The following CAMTA1 variants were observed in gnomAD, a reference collection of about 807,000 sequenced individuals.
CAMTA1 encodes calmodulin-binding transcription activator 1.
CAMTA1 carries 27 observed loss-of-function variants against 170.9 expected under a neutral mutation model. The ratio of observed to expected loss-of-function variants is 0.16; its 90% confidence interval spans 0.12 to 0.22. The LOEUF (loss-of-function observed/expected upper bound fraction) is 0.22, where lower values mean the gene tolerates loss of function less well. Among genes scored for constraint, CAMTA1 ranks in the 10% least tolerant of loss-of-function variants. The pLI, the probability that CAMTA1 is intolerant of heterozygous loss-of-function variation, is 1.00. For missense variants in CAMTA1, 1,619 were observed against 2,217.2 expected (o/e 0.73, Z 5.42); for synonymous variants, 833 against 891.5 (o/e 0.93, Z 1.17).
intron 3 of CAMTA1, among the ~76,000 whole-genome samples, chr1:6,991,079 T>C (rs576457179): frequency 7.7e-4 from 118 of 152,266 alleles, no homozygotes; most frequent in African/African-American, 2.7e-3. Context: ...TAGTTTTTTT[T>C]TCCTTTTTAT....
At chr1:7,119,458 G>A (rs1475241502) in intron 4 of CAMTA1, among the ~76,000 whole-genome samples, 1 of 152,196 alleles carries the variant, frequency 6.6e-6, no homozygotes. Flanking sequence ...GCAGTGAACA[G>A]CGGGGGGCAT....
intron 6 of CAMTA1, among the ~76,000 whole-genome samples, chr1:7,530,395 C>T (rs1041582769): frequency 1.3e-5 from 2 of 152,158 alleles, no homozygotes; most frequent in Admixed American, 6.5e-5. Flanking sequence ...TCTGTTGATT[C>T]GAGGCAGAGC....
intron 22 of CAMTA1, among the ~76,000 whole-genome samples, chr1:7,757,407 A>C (rs2096938737): frequency 6.6e-6 from 1 of 152,242 alleles, no homozygotes; most frequent in Non-Finnish European, 1.5e-5. Flanking sequence ...TAGTATGCCA[A>C]CTTGATGATA....
At chr1:7,048,215 T>C (rs1705722026) in intron 3 of CAMTA1, among the ~76,000 whole-genome samples, 1 of 152,108 alleles carries the variant, frequency 6.6e-6, no homozygotes, top group South Asian at 2.1e-4. Context: ...ATTAAGATCA[T>C]TTGAATATTA....
chr1:7,554,614 C>T (rs1240819171), intron 6 of CAMTA1, among the ~76,000 whole-genome samples: 1 of 152,144 alleles, frequency 6.6e-6, no homozygotes, highest in Admixed American at 6.5e-5. Context: ...TGCCTCCACC[C>T]TGATCATCTC....
rs1705131996 is a variant in CAMTA1 at position 7,044,925 on chromosome 1, C to T, written c.235-46379C>T. 2.6e-5 allele frequency among the ~76,000 whole-genome samples: 4 copies of T among 151,842 alleles called. No homozygotes were observed. The Middle Eastern group carries it at 0.01, about 387-fold the overall frequency. ...AAAAAAAAATCCCCCAAAATAAAAA[C>T]TCATACTTGTTTCTATGGGCTTCCT... is the stretch of plus-strand genomic sequence containing the variant. On this transcript the variant is annotated intron_variant, in intron 3 of 22. Coordinates refer to ENST00000303635, the MANE Select transcript of CAMTA1 (RefSeq NM_015215.4). The surrounding 1 kb of genome is among the most constrained non-coding windows in gnomAD (Gnocchi z 5.0).
At position 7,187,924 on chromosome 1, in the gene CAMTA1, A is replaced by G. The variant is rs371010690; in HGVS notation, c.303-61567A>G. On this transcript the variant is annotated intron_variant, in intron 4 of 22. Transcript: ENST00000303635. ...TTAGTCTGTTATCACACTGCTATAA[A>G]GAAATACCCAAGACTGGGTAATTTA... Among the ~76,000 whole-genome samples, 302 of 152,358 alleles carry G rather than the reference A, an allele frequency of 2.0e-3. 6 individuals are homozygous for G. In the South Asian group the frequency reaches 0.06, roughly 30 times the overall value.
intron 6 of CAMTA1, among the ~76,000 whole-genome samples, chr1:7,621,573 A>G (rs1037392544): frequency 6.6e-6 from 1 of 152,224 alleles, no homozygotes; most frequent in Admixed American, 6.5e-5. Context: ...CTCAAAGTTA[A>G]TAAGAAACTA....
chr1:7,316,972 C>T (rs1482404771), intron 5 of CAMTA1, among the ~76,000 whole-genome samples: 6 of 152,198 alleles, frequency 3.9e-5, no homozygotes. Context: ...GGGGCCTCAA[C>T]TTCGAAGCAA....
At chr1:7,582,831 C>T (rs1207266373) in intron 6 of CAMTA1, among the ~76,000 whole-genome samples, 1 of 151,648 alleles carries the variant, frequency 6.6e-6, no homozygotes, top group Non-Finnish European at 1.5e-5. Flanking sequence ...ACCCAGGAGA[C>T]TGGGGACTGA....
intron 3 of CAMTA1, among the ~76,000 whole-genome samples, chr1:6,849,223 G>T (rs1353623439): frequency 6.6e-6 from 1 of 152,194 alleles, no homozygotes; most frequent in Non-Finnish European, 1.5e-5. Flanking sequence ...ACATAAAGAA[G>T]AGCAGGTTTC....
At position 7,634,648 on chromosome 1, in the gene CAMTA1, G is replaced by A. The variant is rs1287398174; in HGVS notation, c.511-5752G>A. The stretch of plus-strand genomic sequence containing the variant: ...CAGGCTGGACGCTGGTGGAGGAAGG[G>A]CCTCTGTACACAGCAAGAGGAGAGC... On this transcript the variant is annotated intron_variant, in intron 6 of 22. Coordinates refer to ENST00000303635, the MANE Select transcript of CAMTA1 (RefSeq NM_015215.4). The surrounding 1 kb of genome is among the most constrained non-coding windows in gnomAD (Gnocchi z 6.2). Among the ~76,000 whole-genome samples the A allele has an allele frequency of 6.6e-6, 1 of 152,104 alleles. No homozygotes were observed. The highest frequency in any genetic ancestry group is 1.9e-4 in the East Asian group (1 of 5,158).
chr1:7,238,560 G>T (rs1436662756), intron 4 of CAMTA1, among the ~76,000 whole-genome samples: 1 of 152,166 alleles, frequency 6.6e-6, no homozygotes, highest in Non-Finnish European at 1.5e-5. Flanking sequence ...GAAACTCTAC[G>T]CTGATGTTCA....
intron 5 of CAMTA1, among the ~76,000 whole-genome samples, chr1:7,374,409 T>G (rs1365053541): frequency 6.6e-6 from 1 of 152,180 alleles, no homozygotes; most frequent in Admixed American, 6.5e-5. Flanking sequence ...ATTGTTGCAA[T>G]CCTAGGGCAA....
chr1:7,206,588 T>C (rs1406485024), intron 4 of CAMTA1, among the ~76,000 whole-genome samples: 1 of 152,228 alleles, frequency 6.6e-6, no homozygotes, highest in Admixed American at 6.5e-5. Flanking sequence ...ATTATTTATT[T>C]TCACTGCTGT....
chr1:7,757,731 G>T (rs1455022968), intron 22 of CAMTA1, among the ~76,000 whole-genome samples: 2 of 151,698 alleles, frequency 1.3e-5, no homozygotes, highest in Non-Finnish European at 2.9e-5. Context: ...GCAAGACTCT[G>T]TCTCAAAAGA....
At chr1:7,430,414 GGAT>G (rs558204006) in intron 5 of CAMTA1, among the ~76,000 whole-genome samples, 57 of 150,804 alleles carry the variant, frequency 3.8e-4, no homozygotes, top group African/African-American at 1.1e-3. Context: ...CTCATCAGGA[GGAT>G]GATGATGATG....
intron 6 of CAMTA1, among the ~76,000 whole-genome samples, chr1:7,601,015 G>T (rs2095436173): frequency 6.6e-6 from 1 of 152,186 alleles, no homozygotes; most frequent in African/African-American, 2.4e-5. Context: ...CCCAGATGGG[G>T]TGGTGGCTGG....
intron 3 of CAMTA1, among the ~76,000 whole-genome samples, chr1:6,983,869 TG>T (rs781469604): frequency 7.4e-4 from 95 of 128,044 alleles, no homozygotes; most frequent in Admixed American, 1.2e-3. Context: ...AATGGGTGGG[TG>T]GATAGAGGCT....
Sources: allele counts gnomAD v4.1 joint callset (sites outside exome capture counted in the v4.1 genomes callset), GRCh38; gene constraint gnomAD v4.1.1; non-coding constraint Gnocchi (gnomAD v3.1); transcripts MANE v1.5; gene names NCBI Gene and HGNC (gene_info 2026-07-23, HGNC 2026-07-21).